XIRP2: variants seen among roughly 807,000 people sequenced by gnomAD.
The protein encoded by XIRP2 is xin actin-binding repeat-containing protein 2.
A neutral mutation model predicts 277.0 loss-of-function variants in XIRP2; 236 were observed. That is an observed-to-expected ratio of 0.85 (90% CI 0.77 to 0.95). The LOEUF (loss-of-function observed/expected upper bound fraction) is 0.95, where lower values mean the gene tolerates loss of function less well. Ranked by LOEUF, XIRP2 falls within the 40% of genes least tolerant of loss-of-function variation. The pLI is 0.00. For missense variants in XIRP2, 4,640 were observed against 4,157.5 expected (o/e 1.12, Z -3.19); for synonymous variants, 1,490 against 1,416.5 (o/e 1.05, Z -1.17).
intron 4 of XIRP2, among the ~76,000 whole-genome samples, chr2:167,217,536 T>C (rs1161049136): frequency 6.6e-6 from 1 of 152,132 alleles, no homozygotes; most frequent in African/African-American, 2.4e-5. Context: ...ACGTAATAAC[T>C]GTCTTACTTC....
intron 1 of XIRP2, among the ~76,000 whole-genome samples, chr2:166,892,954 GTGTATATACATATATA>G (rs1490946760): frequency 1.4e-5 from 2 of 145,976 alleles, no homozygotes. Context: ...ATTTATGTGT[GTGTATATACATATATA>G]TATATGTATA....
intron 2 of XIRP2, among the ~76,000 whole-genome samples, chr2:167,077,618 G>C (rs188933915): frequency 5.9e-5 from 9 of 152,206 alleles, no homozygotes; most frequent in Non-Finnish European, 1.2e-4. Context: ...AAACATCTGA[G>C]TAAAGAGCTG....
chr2:166,899,725 A>G (rs1684330766), intron 1 of XIRP2, among the ~76,000 whole-genome samples: 1 of 152,104 alleles, frequency 6.6e-6, no homozygotes, highest in East Asian at 1.9e-4. Flanking sequence ...CTGATGAGAA[A>G]TTTGCTGTCA....
chr2:166,926,276 C>A (rs1303605322), intron 2 of XIRP2, among the ~76,000 whole-genome samples: 1 of 151,970 alleles, frequency 6.6e-6, no homozygotes, highest in Non-Finnish European at 1.5e-5. Flanking sequence ...GTCCTACCTA[C>A]CCTCCTTCAT....
intron 2 of XIRP2, among the ~76,000 whole-genome samples, chr2:166,915,113 C>A (rs150784984): frequency 6.6e-6 from 1 of 151,044 alleles, no homozygotes; most frequent in African/African-American, 2.4e-5. Flanking sequence ...CTGGCTAACA[C>A]GATGCAACCA....
At chr2:166,960,829 A>G (rs886105617) in intron 2 of XIRP2, among the ~76,000 whole-genome samples, 1 of 151,724 alleles carries the variant, frequency 6.6e-6, no homozygotes, top group Non-Finnish European at 1.5e-5. Flanking sequence ...GGCTTATTCC[A>G]GGCCTCCTAC....
chr2:167,146,777 A>G (rs1359624262), intron 3 of XIRP2, among the ~76,000 whole-genome samples: 1 of 152,120 alleles, frequency 6.6e-6, no homozygotes. Context: ...CAATGAAGGC[A>G]TATCATAGTA....
chr2:167,225,061 G>A (rs1202970632), intron 5 of XIRP2, among the ~76,000 whole-genome samples: 1 of 152,116 alleles, frequency 6.6e-6, no homozygotes, highest in Non-Finnish European at 1.5e-5. Context: ...GACAAGATAA[G>A]GTGGACCAAG....
At chr2:167,206,883 A>T (rs929005405) in intron 3 of XIRP2, among the ~76,000 whole-genome samples, 2 of 152,234 alleles carry the variant, frequency 1.3e-5, no homozygotes, top group African/African-American at 2.4e-5. Flanking sequence ...ATGAGATGCA[A>T]TCTGGCTTTA....
intron 2 of XIRP2, among the ~76,000 whole-genome samples, chr2:167,117,047 G>T (rs918703192): frequency 6.6e-6 from 1 of 152,182 alleles, no homozygotes; most frequent in African/African-American, 2.4e-5. Flanking sequence ...GAAATATGTA[G>T]AGTTAGAAAA....
chr2:167,246,847 GT>G lies in XIRP2; in HGVS notation c.5460del (p.Phe1820LeufsTer2), dbSNP rs759743331. On this transcript the variant is annotated frameshift_variant, in exon 9 of 11. Coordinates refer to ENST00000409195, the MANE Select transcript of XIRP2 (RefSeq NM_152381.6). LOFTEE classifies it high-confidence loss of function. ...IPGDVHNTVK[V>X]FMTEPQSTFG... ...TGGAGATGTGCATAACACAGTTAAG[GT>G]TTTTATGACCGAGCCTCAGAGTACA... 31 of 1,613,708 alleles carry G rather than the reference GT, an allele frequency of 1.9e-5. No homozygotes were observed. Among genetic ancestry groups the G allele is most frequent in the African/African-American group, 2.7e-5 (2 of 74,860 alleles).
chr2:167,135,234 C>T (rs548254445), intron 2 of XIRP2, among the ~76,000 whole-genome samples: 1 of 152,162 alleles, frequency 6.6e-6, no homozygotes, highest in South Asian at 2.1e-4. Context: ...TATTTGATTA[C>T]ATTACTTGGC....
At chr2:167,227,797 A>G (rs921357600) in intron 5 of XIRP2, among the ~76,000 whole-genome samples, 7 of 152,178 alleles carry the variant, frequency 4.6e-5, no homozygotes, top group African/African-American at 1.7e-4. Context: ...CAAAACAATC[A>G]GAACAAAAAT....
At chr2:167,192,192 T>C (rs1178585289) in intron 3 of XIRP2, among the ~76,000 whole-genome samples, 2 of 152,192 alleles carry the variant, frequency 1.3e-5, no homozygotes, top group African/African-American at 2.4e-5. Context: ...TTATTTTTAA[T>C]TCATAGGAAC....
At chr2:167,184,111 G>A (rs1479295877) in intron 3 of XIRP2, among the ~76,000 whole-genome samples, 1 of 150,370 alleles carries the variant, frequency 6.7e-6, no homozygotes. Context: ...TATACTCAAG[G>A]CACCAATTTT....
At chr2:167,186,122 T>A (rs1693145262) in intron 3 of XIRP2, among the ~76,000 whole-genome samples, 1 of 152,148 alleles carries the variant, frequency 6.6e-6, no homozygotes, top group African/African-American at 2.4e-5. Context: ...TTTACCTAAT[T>A]TTGATCAATT....
At chr2:167,164,683 A>G (rs764026257) in intron 3 of XIRP2, among the ~76,000 whole-genome samples, 1 of 152,152 alleles carries the variant, frequency 6.6e-6, no homozygotes, top group Non-Finnish European at 1.5e-5. Flanking sequence ...ACATTTTATT[A>G]TATTCACCTC....
At chr2:166,910,456 A>G (rs922680463) in intron 2 of XIRP2, among the ~76,000 whole-genome samples, 57 of 151,820 alleles carry the variant, frequency 3.8e-4, no homozygotes, top group Middle Eastern at 3.4e-3. Context: ...ATCGGTGGTG[A>G]TATTCCCTTT....
intron 2 of XIRP2, among the ~76,000 whole-genome samples, chr2:166,995,325 A>G (rs1313519964): frequency 6.6e-6 from 1 of 152,208 alleles, no homozygotes; most frequent in African/African-American, 2.4e-5. Context: ...CTTTAAGGCA[A>G]AAACGTTAGT....
Sources: gnomAD v4.1 joint callset for allele counts (sites outside exome capture counted in the v4.1 genomes callset) on GRCh38, gnomAD v4.1.1 for gene constraint, MANE v1.5 for transcripts, NCBI Gene and HGNC (gene_info 2026-07-23, HGNC 2026-07-21) for gene names.